The following FMO4 variants were observed in gnomAD, a reference collection of about 807,000 sequenced individuals.
FMO4 encodes the protein dimethylaniline monooxygenase [N-oxide-forming] 4.
Under a neutral mutation model 43.3 loss-of-function variants are expected in FMO4, and 38 were observed. The observed-to-expected ratio is 0.88, with a 90% CI of 0.68 to 1.15. The LOEUF is 1.15. Among genes scored for constraint, FMO4 ranks in the 50% most tolerant of loss-of-function variants. The probability of loss-of-function intolerance (pLI) is 0.00; values close to 1 mark genes in which losing one functional copy is unlikely to be tolerated. For synonymous variants in FMO4, 224 were observed against 232.2 expected (o/e 0.96, Z 0.32); for missense variants, 631 against 663.3 (o/e 0.95, Z 0.54).
intron 2 of FMO4, 32 bp from the exon 3 acceptor site, chr1:171,319,786 T>C (rs759546296): frequency 1.2e-6 from 2 of 1,606,390 alleles, no homozygotes; most frequent in African/African-American, 1.3e-5. Context: ...ACTTATTAAA[T>C]AAAGAAGTTC....
intron 5 of FMO4, among the ~76,000 whole-genome samples, chr1:171,329,961 C>T (rs555342590): frequency 1.1e-4 from 16 of 152,226 alleles, no homozygotes; most frequent in African/African-American, 3.6e-4. Context: ...GGATGTTCAG[C>T]GTAGTGTATA....
chr1:171,318,824 T>G (rs1163960678), intron 2 of FMO4, among the ~76,000 whole-genome samples: 1 of 152,160 alleles, frequency 6.6e-6, no homozygotes, highest in African/African-American at 2.4e-5. Flanking sequence ...ATTATTACTA[T>G]TAAAACGGAA....
At chr1:171,332,093 C>T (rs779190230) in intron 6 of FMO4, among the ~76,000 whole-genome samples, 9 of 152,098 alleles carry the variant, frequency 5.9e-5, no homozygotes, top group Non-Finnish European at 1.0e-4. Context: ...ATTGCTTCAC[C>T]CAGTTCAATT....
Position 171,321,319 on chromosome 1 carries a change from T to C in FMO4, c.132+1362T>C, listed in dbSNP as rs545604521. Among the ~76,000 whole-genome samples the C allele has an allele frequency of 6.8e-4, 103 of 152,328 alleles. 1 individual carries two copies. Among genetic ancestry groups the C allele is most frequent in the African/African-American group, 2.3e-3 (97 of 41,580 alleles). ...CAATGTAATTTCTCTCAGTCATATATATACAGTTGTCTCTTGGTGTCCGTG... is the reference window on the plus strand; with the variant it reads ...CAATGTAATTTCTCTCAGTCATATACATACAGTTGTCTCTTGGTGTCCGTG... On this transcript the variant is annotated intron_variant, in intron 3 of 9. Transcript: ENST00000367749.
chr1:171,332,821 T>C lies in FMO4; in HGVS notation c.740T>C (p.Leu247Pro). Residue 247 changes from leucine (L) to proline (P), a missense_variant, in exon 7 of 10, where the codon CTG (leucine) becomes CCG (proline). Leu to Pro is a moderately conservative substitution (Grantham distance 98). Coordinates refer to ENST00000367749, the MANE Select transcript of FMO4 (RefSeq NM_002022.3). The stretch of plus-strand genomic sequence containing the variant: ...TGCTGTAGTTTTATTGCACAAGTTC[T>C]GCCTTCACGTTTTCTAAACTGGATT... The part of the protein sequence containing the change: ...RRCCSFIAQV[L>P]PSRFLNWIQE... 6.2e-7 allele frequency: 1 copy of C among 1,613,376 alleles called. No individual in the cohort carries two copies. Among genetic ancestry groups the C allele is most frequent in the South Asian group, 1.1e-5 (1 of 91,068 alleles).
rs770871064 is a variant in FMO4 at position 171,324,142 on chromosome 1, C to G, written c.326C>G (p.Thr109Ser). The G allele has an allele frequency of 1.2e-6, 2 of 1,609,810 alleles. No homozygotes were observed. Among genetic ancestry groups the G allele is most frequent in the Non-Finnish European group, 1.7e-6 (2 of 1,178,140 alleles). ...GTGTTTGTCTTTCACTTTTAGACCA[C>G]TGTGTGCAGCATAACGAAGCGTCCA... ...DLLKYIQFKTTVCSITKRPDF... is the reference protein window; with the variant it reads ...DLLKYIQFKTSVCSITKRPDF... The change falls in exon 5 of 10, where the codon ACT becomes AGT. Residue 109 changes from threonine to serine, a missense_variant. Transcript: ENST00000367749.
chr1:171,332,326 G>A (rs1662935147), intron 6 of FMO4, among the ~76,000 whole-genome samples: 2 of 152,078 alleles, frequency 1.3e-5, no homozygotes, highest in Non-Finnish European at 2.9e-5. Context: ...TAAATTAAAG[G>A]AAAATGATTA....
chr1:171,323,192 G>T lies in FMO4; in HGVS notation c.321G>T (p.Lys107Asn). ...ACCTCCTGAAATACATTCAGTTTAA[G>T]GTAAGATACTTTGGGTTATGGAAGA... ...HFDLLKYIQF[K>N]TTVCSITKRP... Residue 107 changes from lysine to asparagine, a missense_variant and splice_region_variant, in exon 4 of 10, where the codon AAG becomes AAT. Transcript: ENST00000367749. The T allele has an allele frequency of 6.2e-7, 1 of 1,607,866 alleles. No individual in the cohort carries two copies. Among genetic ancestry groups the T allele is most frequent in the Non-Finnish European group, 8.5e-7 (1 of 1,175,574 alleles).
Position 171,334,422 on chromosome 1 carries a change from A to G in FMO4, c.839A>G (p.Lys280Arg). ...GLSITKGKKA[K>R]FIVNDELPNC... is the part of the protein sequence containing the mutation. ...CCTGTGTGTCAAAGGAAAAAAGCAA[A>G]ATTCATTGTGAATGATGAGCTGCCA... Residue 280 changes from lysine to arginine, a missense_variant, in exon 8 of 10, where the codon AAA becomes AGA. Transcript: ENST00000367749. 1 of 1,569,220 alleles carries G rather than the reference A, an allele frequency of 6.4e-7. No individual in the cohort carries two copies. The highest frequency in any genetic ancestry group is 8.6e-7 in the Non-Finnish European group (1 of 1,161,896).
chr1:171,324,561 G>T (rs1335991031), intron 5 of FMO4, among the ~76,000 whole-genome samples: 1 of 152,006 alleles, frequency 6.6e-6, no homozygotes, highest in Non-Finnish European at 1.5e-5. Context: ...GATCACATAA[G>T]GTTCAAAACA....
At chr1:171,331,897 T>C in intron 6 of FMO4, 115 bp downstream of exon 6, 2 of 803,366 alleles carry the variant, frequency 2.5e-6, no homozygotes, top group South Asian at 2.0e-5. Context: ...AGACACACAG[T>C]AAGTGGGAAA....
chr1:171,315,146 T>G (rs6672039), intron 1 of FMO4, among the ~76,000 whole-genome samples: 127,404 of 152,172 alleles, frequency 0.84, 53,852 homozygotes, highest in African/African-American at 0.96. Flanking sequence ...ACAAAAATTA[T>G]CCAGGCGTGG....
chr1:171,326,841 T>C (rs45440391), intron 5 of FMO4, among the ~76,000 whole-genome samples: 2,087 of 152,336 alleles, frequency 0.014, 21 homozygotes, highest in Middle Eastern at 0.02. Context: ...AAAGGGGACT[T>C]GCATTCCTCA....
At chr1:171,329,398 C>T (rs1424730564) in intron 5 of FMO4, among the ~76,000 whole-genome samples, 2 of 152,206 alleles carry the variant, frequency 1.3e-5, no homozygotes, top group Non-Finnish European at 2.9e-5. Flanking sequence ...CATCGCCACA[C>T]AGACTATCTG....
At chr1:171,337,563 AT>A in intron 9 of FMO4, 138 bp downstream of exon 9, 1 of 659,304 alleles carries the variant, frequency 1.5e-6, no homozygotes, top group Non-Finnish European at 2.7e-6. Flanking sequence ...AGAAGGATAC[AT>A]TTTTAGTCCT....
At chr1:171,326,996 A>AT (rs1662695495) in intron 5 of FMO4, among the ~76,000 whole-genome samples, 1 of 152,042 alleles carries the variant, frequency 6.6e-6, no homozygotes, top group African/African-American at 2.4e-5. Flanking sequence ...CACATTCTCT[A>AT]TTTTTTCTTC....
intron 5 of FMO4, among the ~76,000 whole-genome samples, chr1:171,326,321 G>A (rs767735356): frequency 2.4e-4 from 36 of 152,008 alleles, no homozygotes; most frequent in Middle Eastern, 3.4e-3. Flanking sequence ...ATAACATGTC[G>A]CCACAACTGT....
rs45448295 is a variant in FMO4 at position 171,319,602 on chromosome 1, G to C, written c.-8-216G>C. The stretch of plus-strand genomic sequence containing the variant: ...AGAAAACTGAGTCCTAGACAGGATA[G>C]TTAGCCCAAGATCACACAGTTAATA... On this transcript the variant is annotated intron_variant, in intron 2 of 9. Coordinates refer to ENST00000367749, the MANE Select transcript of FMO4 (RefSeq NM_002022.3). 6.1e-3 allele frequency among the ~76,000 whole-genome samples: 934 copies of C among 152,250 alleles called. 12 individuals carry two copies. The highest frequency in any genetic ancestry group is 0.02 in the African/African-American group (830 of 41,548).
intron 8 of FMO4, among the ~76,000 whole-genome samples, chr1:171,335,210 T>C (rs972644458): frequency 2.6e-5 from 4 of 152,232 alleles, no homozygotes; most frequent in African/African-American, 7.2e-5. Context: ...CTGTCAATTA[T>C]GCAATAAGAG....
Sources: gnomAD v4.1 joint callset for allele counts (sites outside exome capture counted in the v4.1 genomes callset) on GRCh38, gnomAD v4.1.1 for gene constraint, MANE v1.5 for transcripts, NCBI Gene and HGNC (gene_info 2026-07-23, HGNC 2026-07-21) for gene names.